The following BMP5 variants were observed in gnomAD, a reference collection of about 807,000 sequenced individuals.
The protein encoded by BMP5 is bone morphogenetic protein 5.
In BMP5, 23 loss-of-function variants were observed where a neutral mutation model predicts 46.6. That is an observed-to-expected ratio of 0.49 (90% confidence interval 0.35 to 0.70). BMP5 has a LOEUF of 0.70. BMP5 is among the 30% of genes least tolerant of loss of function. The pLI is 0.00. For synonymous variants in BMP5, 204 were observed against 191.9 expected (o/e 1.06, Z -0.52); for missense variants, 545 against 565.6 (o/e 0.96, Z 0.37).
chr6:55,755,603 A>C lies in BMP5; in HGVS notation c.1295T>G (p.Phe432Cys). ...CAAAATGACATTGGAGCTGTCATCAAAGTACAGAACAGAGATGGCATTTAA... is the reference window on the plus strand; with the variant it reads ...CAAAATGACATTGGAGCTGTCATCACAGTACAGAACAGAGATGGCATTTAA... ...TKLNAISVLY[F>C]DDSSNVILKK... The change falls in exon 7 of 7, where the codon TTT (phenylalanine) becomes TGT (cysteine). Residue 432 changes from phenylalanine (F) to cysteine (C), a missense_variant. Coordinates refer to ENST00000370830, the MANE Select transcript of BMP5 (RefSeq NM_021073.4). 6.2e-7 allele frequency: 1 copy of C among 1,612,334 alleles called. No individual in the cohort carries two copies. The highest frequency in any genetic ancestry group is 1.1e-5 in the South Asian group (1 of 91,022).
intron 1 of BMP5, among the ~76,000 whole-genome samples, chr6:55,841,580 G>A (rs1191702666): frequency 1.3e-5 from 2 of 150,948 alleles, no homozygotes; most frequent in Non-Finnish European, 2.9e-5. Flanking sequence ...CAAACTCAAG[G>A]TGTCACAGGT....
intron 4 of BMP5, among the ~76,000 whole-genome samples, chr6:55,764,341 A>T (rs534366596): frequency 1.3e-5 from 2 of 152,172 alleles, no homozygotes; most frequent in Non-Finnish European, 2.9e-5. Flanking sequence ...TGGGAGGCCA[A>T]GGAGGGCGGA....
In BMP5 at chr6:55,774,154, T is replaced by A. The variant is rs1004361735; in HGVS notation, c.922A>T (p.Ser308Cys). 1.2e-6 allele frequency: 2 copies of A among 1,613,018 alleles called. No individual in the cohort carries two copies. Among genetic ancestry groups the A allele is most frequent in the African/African-American group, 2.7e-5 (2 of 74,808 alleles). ...QPFMVAFFKA[S>C]EVLLRSVRAA... is the part of the protein sequence containing the mutation. ...CTCACGGATCGAAGAAGTACCTCACTCGCCTTGAAGAAGGCCACCATGAAT... is the reference window on the plus strand; with the variant it reads ...CTCACGGATCGAAGAAGTACCTCACACGCCTTGAAGAAGGCCACCATGAAT... Residue 308 changes from serine to cysteine, a missense_variant, in exon 4 of 7, where the codon AGT (serine) becomes TGT (cysteine). Transcript: ENST00000370830.
intron 3 of BMP5, among the ~76,000 whole-genome samples, chr6:55,787,311 T>C (rs1775472794): frequency 6.6e-6 from 1 of 151,678 alleles, no homozygotes; most frequent in Non-Finnish European, 1.5e-5. Context: ...GATATTATAT[T>C]AAGAACTCTG....
chr6:55,803,396 C>T (rs537224067), intron 2 of BMP5, among the ~76,000 whole-genome samples: 6 of 151,864 alleles, frequency 4.0e-5, no homozygotes, highest in Non-Finnish European at 1.5e-5. Flanking sequence ...ACTGTTGTGA[C>T]TATGTACATT....
At chr6:55,861,184 G>A (rs1328293467) in intron 1 of BMP5, among the ~76,000 whole-genome samples, 1 of 152,198 alleles carries the variant, frequency 6.6e-6, no homozygotes, top group Non-Finnish European at 1.5e-5. Flanking sequence ...GTCAGCTGTA[G>A]ATGTTCCTGC....
intron 1 of BMP5, among the ~76,000 whole-genome samples, chr6:55,822,536 T>G (rs9475416): frequency 4.6e-5 from 7 of 152,144 alleles, no homozygotes; most frequent in Admixed American, 1.3e-4. Context: ...TAATTCTAAG[T>G]GATAACAACC....
At chr6:55,813,679 A>T (rs9367664) in intron 2 of BMP5, among the ~76,000 whole-genome samples, 5,921 of 151,390 alleles carry the variant, frequency 0.039, 255 homozygotes, top group South Asian at 0.24. Context: ...CCCAGCTACT[A>T]GGGAGGCTGA....
chr6:55,776,466 T>A (rs1045001667), intron 3 of BMP5, among the ~76,000 whole-genome samples: 2 of 151,666 alleles, frequency 1.3e-5, no homozygotes, highest in Non-Finnish European at 2.9e-5. Flanking sequence ...AAAAAAGAAC[T>A]GAGAAACTTA....
intron 1 of BMP5, among the ~76,000 whole-genome samples, chr6:55,832,590 AACATG>A (rs1356866971): frequency 6.6e-6 from 1 of 152,190 alleles, no homozygotes; most frequent in African/African-American, 2.4e-5. Flanking sequence ...TATTTGATAA[AACATG>A]ACATATCTAA....
chr6:55,841,600 GTGTTTGTT>G (rs60374008), intron 1 of BMP5, among the ~76,000 whole-genome samples: 2 of 150,634 alleles, frequency 1.3e-5, no homozygotes, highest in East Asian at 3.9e-4. Context: ...TCTGGTGGTG[GTGTTTGTT>G]TGTTTGTTTG....
At chr6:55,796,067 T>C (rs1775704337) in intron 2 of BMP5, among the ~76,000 whole-genome samples, 1 of 152,186 alleles carries the variant, frequency 6.6e-6, no homozygotes, top group Non-Finnish European at 1.5e-5. Flanking sequence ...TAAATATCTC[T>C]GAGACCTTAA....
chr6:55,839,013 T>C (rs1331742898), intron 1 of BMP5, among the ~76,000 whole-genome samples: 3 of 152,172 alleles, frequency 2.0e-5, no homozygotes. Context: ...CCAATCAAGA[T>C]ATAATTTGCA....
chr6:55,755,810 TTATTC>T, intron 6 of BMP5, 128 bp from the exon 7 acceptor site: 1 of 913,646 alleles, frequency 1.1e-6, no homozygotes, highest in Non-Finnish European at 1.7e-6. Flanking sequence ...CTTCTCCCAT[TTATTC>T]CATGACTGGG....
chr6:55,783,800 G>T (rs938263449), intron 3 of BMP5, among the ~76,000 whole-genome samples: 1 of 151,866 alleles, frequency 6.6e-6, no homozygotes, highest in African/African-American at 2.4e-5. Flanking sequence ...CATTTGTTTG[G>T]TAAGACTGGT....
chr6:55,793,124 T>C (rs553968540), intron 3 of BMP5, among the ~76,000 whole-genome samples: 54 of 152,128 alleles, frequency 3.5e-4, no homozygotes, highest in Non-Finnish European at 6.6e-4. Flanking sequence ...CAAGTCTAGA[T>C]TTGAGTTTAG....
At chr6:55,825,102 A>G (rs1776499130) in intron 1 of BMP5, among the ~76,000 whole-genome samples, 1 of 151,850 alleles carries the variant, frequency 6.6e-6, no homozygotes, top group Admixed American at 6.6e-5. Flanking sequence ...TCTCTAAAAA[A>G]ATTAAAACAA....
intron 1 of BMP5, among the ~76,000 whole-genome samples, chr6:55,860,324 C>A (rs1223851207): frequency 2.0e-5 from 3 of 152,072 alleles, no homozygotes; most frequent in East Asian, 1.9e-4. Flanking sequence ...TTTCAGGAAA[C>A]CCTGACAAAG....
chr6:55,777,623 A>G (rs1311037601), intron 3 of BMP5, among the ~76,000 whole-genome samples: 2 of 152,006 alleles, frequency 1.3e-5, no homozygotes, highest in African/African-American at 4.8e-5. Context: ...ACATCCAGGC[A>G]TAGCTAGAAC....
Sources: allele counts gnomAD v4.1 joint callset (sites outside exome capture counted in the v4.1 genomes callset), GRCh38; gene constraint gnomAD v4.1.1; transcripts MANE v1.5; gene names NCBI Gene and HGNC (gene_info 2026-07-23, HGNC 2026-07-21).